The following RGS8 variants were observed in gnomAD, a reference collection of about 807,000 sequenced individuals.
RGS8 encodes regulator of G-protein signaling 8.
In RGS8, 8 loss-of-function variants were observed where a neutral mutation model predicts 21.7. The ratio of observed to expected loss-of-function variants is 0.37; its 90% CI spans 0.22 to 0.66. The LOEUF (loss-of-function observed/expected upper bound fraction) is 0.66, where lower values mean the gene tolerates loss of function less well. RGS8 is among the 30% of genes least tolerant of loss of function. The pLI, the probability that RGS8 is intolerant of heterozygous loss-of-function variation, is 0.59. For synonymous variants in RGS8, 80 were observed against 83.6 expected (o/e 0.96, Z 0.24); for missense variants, 157 against 217.9 (o/e 0.72, Z 1.76).
At chr1:182,645,974 T>A (rs146763705), downstream of RGS8, 1 of 152,332 alleles carries the variant, frequency 6.6e-6, no homozygotes, top group Non-Finnish European at 1.5e-5. Context: ...TCTGGAAAAG[T>A]TCTTCGTAGA....
chr1:182,646,652 C>G, exon 7 of RGS8: 1 of 1,335,084 alleles, frequency 7.5e-7, no homozygotes, highest in Admixed American at 2.0e-5. Flanking sequence ...CTTTTGAACA[C>G]CTATGACATT....
the RGS8 span, among the ~76,000 whole-genome samples, chr1:182,750,555 G>T: frequency 6.6e-6 from 1 of 152,008 alleles, no homozygotes; most frequent in South Asian, 2.1e-4. Flanking sequence ...TTGGATTCTT[G>T]GATTATCTTG....
chr1:182,750,137 G>T, the RGS8 span, among the ~76,000 whole-genome samples: 1 of 152,212 alleles, frequency 6.6e-6, no homozygotes, highest in African/African-American at 2.4e-5. Flanking sequence ...TGCAGAATTA[G>T]AACACATAGT....
At chr1:182,655,918 G>A (rs1438662473) in intron 5 of RGS8, among the ~76,000 whole-genome samples, 1 of 152,160 alleles carries the variant, frequency 6.6e-6, no homozygotes, top group Non-Finnish European at 1.5e-5. Flanking sequence ...AGCAGACAGA[G>A]GCTCTGGCGT....
the RGS8 span, among the ~76,000 whole-genome samples, chr1:182,713,897 G>T: frequency 0.015 from 2,235 of 152,228 alleles, 24 homozygotes; most frequent in Middle Eastern, 0.071. Flanking sequence ...AGAAAATACA[G>T]TACATAAAAC....
the RGS8 span, among the ~76,000 whole-genome samples, chr1:182,708,720 G>A: frequency 3.9e-5 from 6 of 152,226 alleles, no homozygotes; most frequent in South Asian, 2.1e-4. Context: ...CAAAGTTTGC[G>A]GAGTAAGTTT....
At chr1:182,730,567 G>T in the RGS8 span, among the ~76,000 whole-genome samples, 1 of 151,978 alleles carries the variant, frequency 6.6e-6, no homozygotes, top group Non-Finnish European at 1.5e-5. Context: ...AAAAATGGCC[G>T]GGCACAGTGG....
the RGS8 span, among the ~76,000 whole-genome samples, chr1:182,741,537 C>G: frequency 8.0e-6 from 1 of 124,232 alleles, no homozygotes; most frequent in African/African-American, 3.1e-5. Context: ...GGCGGCTGGC[C>G]GGGCAGAGGG....
At chr1:182,654,665 G>A (rs1663179500) in intron 5 of RGS8, among the ~76,000 whole-genome samples, 1 of 152,156 alleles carries the variant, frequency 6.6e-6, no homozygotes, top group Admixed American at 6.5e-5. Context: ...CTAAGAGTGG[G>A]AAGGGTTTGG....
chr1:182,686,066 C>A (rs1420060034), upstream of RGS8, among the ~76,000 whole-genome samples: 2 of 152,128 alleles, frequency 1.3e-5, no homozygotes, highest in African/African-American at 4.8e-5. Flanking sequence ...ACAACCTGCA[C>A]CCTGAAAGTT....
chr1:182,709,444 G>T, the RGS8 span, among the ~76,000 whole-genome samples: 1 of 152,120 alleles, frequency 6.6e-6, no homozygotes, highest in Non-Finnish European at 1.5e-5. Context: ...GCCAGTTAAA[G>T]ATAATAATCT....
At chr1:182,678,266 T>C (rs1028276423) in intron 1 of RGS8, among the ~76,000 whole-genome samples, 1 of 152,190 alleles carries the variant, frequency 6.6e-6, no homozygotes, top group Non-Finnish European at 1.5e-5. Context: ...TCTTGACTTG[T>C]GTATATTTGA....
chr1:182,737,547 C>T, the RGS8 span, among the ~76,000 whole-genome samples: 1 of 152,124 alleles, frequency 6.6e-6, no homozygotes, highest in Non-Finnish European at 1.5e-5. Context: ...GGCAGTTCCC[C>T]TCCACACACT....
the RGS8 span, among the ~76,000 whole-genome samples, chr1:182,743,070 A>G: frequency 1.3e-5 from 2 of 152,204 alleles, no homozygotes; most frequent in Non-Finnish European, 2.9e-5. Flanking sequence ...GTGTCAATCT[A>G]CTGGGAAGAT....
the RGS8 span, among the ~76,000 whole-genome samples, chr1:182,719,752 G>A: frequency 2.7e-5 from 4 of 149,470 alleles, no homozygotes; most frequent in African/African-American, 7.4e-5. Flanking sequence ...ATAGACTGGG[G>A]AGAAAGGAAA....
intron 3 of RGS8, 120 bp downstream of exon 4, chr1:182,669,504 T>A: frequency 2.8e-6 from 4 of 1,441,794 alleles, no homozygotes; most frequent in South Asian, 2.4e-5. Flanking sequence ...TGGGGACAGA[T>A]GAAAGTAGAC....
chr1:182,689,019 G>A (rs182564436), upstream of RGS8, among the ~76,000 whole-genome samples: 39 of 152,306 alleles, frequency 2.6e-4, no homozygotes, highest in Admixed American at 6.5e-4. Flanking sequence ...CACTGTGTCC[G>A]TGGTAATTTG....
At chr1:182,717,404 A>G in the RGS8 span, among the ~76,000 whole-genome samples, 8 of 152,214 alleles carry the variant, frequency 5.3e-5, no homozygotes, top group Non-Finnish European at 1.2e-4. Context: ...CTAACAGAGT[A>G]TCTCCTTCCT....
At chr1:182,719,847 T>C in the RGS8 span, among the ~76,000 whole-genome samples, 2 of 152,182 alleles carry the variant, frequency 1.3e-5, no homozygotes, top group African/African-American at 4.8e-5. Context: ...AAGGGTAAAA[T>C]ATGTTACACA....
Sources: gnomAD v4.1 joint callset for allele counts (sites outside exome capture counted in the v4.1 genomes callset) on GRCh38, gnomAD v4.1.1 for gene constraint, MANE v1.5 for transcripts, NCBI Gene and HGNC (gene_info 2026-07-23, HGNC 2026-07-21) for gene names.